The following MEGF11 variants were observed in gnomAD, a reference collection of about 807,000 sequenced individuals.
The protein encoded by MEGF11 is multiple EGF like domains 11.
In MEGF11, 126 loss-of-function variants were observed where a neutral mutation model predicts 146.6. That is an observed-to-expected ratio of 0.86 (90% CI 0.74 to 1.00). MEGF11 has a LOEUF of 1.00. MEGF11 is among the 50% of genes least tolerant of loss of function. The probability of loss-of-function intolerance (pLI) is 0.00; values close to 1 mark genes in which losing one functional copy is unlikely to be tolerated. For missense variants in MEGF11, 1,509 were observed against 1,521.2 expected, an observed-to-expected ratio of 0.99 and a Z score of 0.13; for synonymous variants, 532 against 583.4, an observed-to-expected ratio of 0.91 and a Z score of 1.27.
At chr15:66,240,094 C>T (rs1003168064) in intron 1 of MEGF11, among the ~76,000 whole-genome samples, 16 of 152,314 alleles carry the variant, frequency 1.1e-4, no homozygotes, top group Admixed American at 8.5e-4. Flanking sequence ...CTGAGCTCCA[C>T]CCCAGCCCCC....
intron 1 of MEGF11, among the ~76,000 whole-genome samples, chr15:66,229,616 T>C (rs2091923836): frequency 6.6e-6 from 1 of 152,202 alleles, no homozygotes; most frequent in Non-Finnish European, 1.5e-5. Flanking sequence ...TTCAGTAGGA[T>C]GACAGCTTTG....
At chr15:66,157,653 C>A (rs2089811662) in intron 1 of MEGF11, among the ~76,000 whole-genome samples, 1 of 152,220 alleles carries the variant, frequency 6.6e-6, no homozygotes, top group African/African-American at 2.4e-5. Context: ...CTCCCAGCCC[C>A]CTAGCACCTG....
At chr15:66,230,031 A>T (rs1346839375) in intron 1 of MEGF11, among the ~76,000 whole-genome samples, 2 of 152,174 alleles carry the variant, frequency 1.3e-5, no homozygotes, top group Non-Finnish European at 2.9e-5. Context: ...AGGGAGATTC[A>T]TGTCATTCAC....
At chr15:66,158,129 T>G (rs1055148293) in intron 1 of MEGF11, among the ~76,000 whole-genome samples, 1 of 152,142 alleles carries the variant, frequency 6.6e-6, no homozygotes, top group African/African-American at 2.4e-5. Context: ...CCCAGATTCA[T>G]TTTAGATAAT....
chr15:66,080,403 TC>T (rs1162436613), intron 5 of MEGF11, among the ~76,000 whole-genome samples: 2 of 151,888 alleles, frequency 1.3e-5, no homozygotes, highest in African/African-American at 4.8e-5. Flanking sequence ...TCCACTGCCC[TC>T]CCATGATGGC....
intron 15 of MEGF11, among the ~76,000 whole-genome samples, chr15:65,919,921 T>TAAACA (rs61245737): frequency 9.9e-5 from 15 of 152,090 alleles, no homozygotes; most frequent in African/African-American, 3.1e-4. Flanking sequence ...ACTTTTAATT[T>TAAACA]AAACAAAACA....
chr15:66,125,899 G>C (rs1410933961), intron 2 of MEGF11, among the ~76,000 whole-genome samples: 2 of 152,130 alleles, frequency 1.3e-5, no homozygotes, highest in Admixed American at 6.5e-5. Flanking sequence ...AGGGCTGGAG[G>C]GGGCAGTCAC....
Position 65,905,954 on chromosome 15 carries a change from G to A in MEGF11, c.3055+131C>T, listed in dbSNP as rs78879351. 4.8e-3 allele frequency: 3,014 copies of A among 628,122 alleles called. 91 individuals are homozygous for A. In the East Asian group the frequency reaches 0.073, roughly 15 times the overall value. 38.9% of individuals were successfully genotyped at this position (628,122 alleles called of 1,614,324 possible). ...CAGCTACCCAACAGCCCCAGGCCCT[G>A]TGGTCTTTTAACCTTCTGTGGGGGG... On this transcript the variant is annotated intron_variant, in intron 24 of 25. Coordinates refer to ENST00000395614, the MANE Select transcript of MEGF11 (RefSeq NM_001385028.1).
intron 1 of MEGF11, among the ~76,000 whole-genome samples, chr15:66,207,801 G>T (rs927918406): frequency 6.6e-6 from 1 of 152,134 alleles, no homozygotes; most frequent in South Asian, 2.1e-4. Context: ...GAGAAGGAGA[G>T]GCCGGGAATG....
intron 5 of MEGF11, among the ~76,000 whole-genome samples, chr15:66,083,647 CTT>C (rs1230607509): frequency 6.6e-6 from 1 of 151,468 alleles, no homozygotes; most frequent in Non-Finnish European, 1.5e-5. Context: ...AAAAAAAAAA[CTT>C]TTATATATCA....
At chr15:66,250,898 G>A (rs944003193) in intron 1 of MEGF11, among the ~76,000 whole-genome samples, 4 of 150,408 alleles carry the variant, frequency 2.7e-5, no homozygotes, top group South Asian at 2.1e-4. Context: ...GTGAGACTCC[G>A]TCTCAAAAAA....
chr15:66,042,106 CCTTT>C (rs1026557075), intron 5 of MEGF11, among the ~76,000 whole-genome samples: 2 of 38,982 alleles, frequency 5.1e-5, no homozygotes, highest in South Asian at 2.3e-3. Context: ...GATTTCTTTC[CCTTT>C]TTTTTTTTTT....
intron 1 of MEGF11, among the ~76,000 whole-genome samples, chr15:66,207,899 A>G (rs1027861829): frequency 3.9e-5 from 6 of 152,170 alleles, no homozygotes; most frequent in African/African-American, 1.4e-4. Flanking sequence ...CCTGGGCAAC[A>G]TGGCAAAACC....
At chr15:65,956,757 A>G (rs1047866262) in intron 10 of MEGF11, among the ~76,000 whole-genome samples, 1 of 152,254 alleles carries the variant, frequency 6.6e-6, no homozygotes, top group African/African-American at 2.4e-5. Context: ...CAAATTGTAA[A>G]CAAACATAGG....
At chr15:66,211,333 C>T (rs901302367) in intron 1 of MEGF11, among the ~76,000 whole-genome samples, 4 of 152,046 alleles carry the variant, frequency 2.6e-5, no homozygotes, top group East Asian at 3.9e-4. Context: ...ACCATCTTGG[C>T]TAACACGGTG....
intron 7 of MEGF11, among the ~76,000 whole-genome samples, chr15:65,974,438 A>G (rs1286827339): frequency 6.6e-6 from 1 of 152,206 alleles, no homozygotes; most frequent in Non-Finnish European, 1.5e-5. Flanking sequence ...CAGGTGAATC[A>G]TTTGAGGTCA....
chr15:66,115,124 A>T (rs2087659215), intron 4 of MEGF11, among the ~76,000 whole-genome samples: 1 of 152,220 alleles, frequency 6.6e-6, no homozygotes, highest in Non-Finnish European at 1.5e-5. Context: ...TCTGAAGGGA[A>T]GATGACATCC....
At chr15:66,040,833 A>G (rs894197717) in intron 5 of MEGF11, among the ~76,000 whole-genome samples, 19 of 152,108 alleles carry the variant, frequency 1.2e-4, no homozygotes, top group African/African-American at 4.6e-4. Flanking sequence ...TGCTCAAGGT[A>G]CCTGGCCAAG....
chr15:66,235,323 G>A (rs1187477795), intron 1 of MEGF11, among the ~76,000 whole-genome samples: 1 of 151,994 alleles, frequency 6.6e-6, no homozygotes, highest in African/African-American at 2.4e-5. Context: ...GCAATGTAGG[G>A]AGACCTCATC....
Sources: gnomAD v4.1 joint callset for allele counts (sites outside exome capture counted in the v4.1 genomes callset) on GRCh38, gnomAD v4.1.1 for gene constraint, MANE v1.5 for transcripts, NCBI Gene and HGNC (gene_info 2026-07-23, HGNC 2026-07-21) for gene names.